Variants in CLN6 observed in about 807,000 individuals in gnomAD.
CLN6 encodes ceroid-lipofuscinosis neuronal protein 6.
Under a neutral mutation model 33.3 loss-of-function variants are expected in CLN6, and 22 were observed. The observed-to-expected ratio is 0.66, with a 90% CI of 0.47 to 0.94. The LOEUF (loss-of-function observed/expected upper bound fraction) is 0.94. Ranked by LOEUF, CLN6 falls within the 40% of genes least tolerant of loss-of-function variation. The pLI is 0.00. For synonymous variants in CLN6, 201 were observed against 174.6 expected (o/e 1.15, Z -1.19); for missense variants, 387 against 417.1 (o/e 0.93, Z 0.63).
rs982668540 is a variant in CLN6 at position 68,256,262 on chromosome 15, A to G, written c.179+428T>C. On this transcript the variant is annotated intron_variant, in intron 1 of 6. Transcript: ENST00000538696. This position sits in a 1 kb window ranked among gnomAD's most constrained non-coding sequence, Gnocchi z 4.1. ...GCTAAGATTACAGCCACGCGCCACC[A>G]TGCCCAGCTAATTTTTTTGTATTTT... Among the ~76,000 whole-genome samples, 5 of 151,926 alleles carry G rather than the reference A, an allele frequency of 3.3e-5. No individual in the cohort carries two copies. The highest frequency in any genetic ancestry group is 1.2e-4 in the African/African-American group (5 of 41,342).
intron 2 of CLN6, 175 bp from the exon 3 acceptor site, chr15:68,214,563 G>T (rs1030748491): frequency 1.6e-6 from 1 of 611,498 alleles, no homozygotes; most frequent in Non-Finnish European, 3.0e-6. Context: ...TGGGACAAAG[G>T]TTTATCCAGA....
In CLN6 at chr15:68,211,868, G is replaced by A; in HGVS notation, c.298-5C>T. 1 of 1,613,120 alleles carries A rather than the reference G, an allele frequency of 6.2e-7. No homozygotes were observed. The highest frequency in any genetic ancestry group is 8.5e-7 in the Non-Finnish European group (1 of 1,179,892). The stretch of plus-strand genomic sequence containing the variant: ...GCGGGGGGACCGCTCGATGAGCTGG[G>A]GTTCAGAGTGGGGTTGGCAGCATGA... On this transcript the variant is annotated splice_polypyrimidine_tract_variant and splice_region_variant and intron_variant, in intron 3 of 6. Transcript: ENST00000249806. The surrounding 1 kb of genome is among the most constrained non-coding windows in gnomAD (Gnocchi z 5.9).
intron 3 of CLN6, chr15:68,212,145 G>C (rs2093207922): frequency 2.1e-6 from 1 of 471,190 alleles, no homozygotes; most frequent in Admixed American, 3.5e-5. Flanking sequence ...ATGAGCTGTA[G>C]GCTGGAGGGG....
At chr15:68,234,106 C>T (rs1238402958), upstream of CLN6, among the ~76,000 whole-genome samples, 1 of 152,180 alleles carries the variant, frequency 6.6e-6, no homozygotes, top group Non-Finnish European at 1.5e-5. The surrounding 1 kb of genome is among the most constrained non-coding windows in gnomAD (Gnocchi z 4.1). Flanking sequence ...TGCAGTTGGG[C>T]CTCAGGAACT....
chr15:68,248,170 A>G lies in CLN6; in HGVS notation c.179+8520T>C, dbSNP rs74880812. Reference sequence around the variant, plus strand: ...TAATGGAACAGAACAGAGAATCCAGATATAAATAAATGCATTTGCAGCCAA... The same window carrying G: ...TAATGGAACAGAACAGAGAATCCAGGTATAAATAAATGCATTTGCAGCCAA... On this transcript the variant is annotated intron_variant, in intron 1 of 6. Coordinates refer to the CLN6 transcript ENST00000538696. Among the ~76,000 whole-genome samples, 396 of 152,366 alleles carry G rather than the reference A, an allele frequency of 2.6e-3. 1 individual carries two copies. The highest frequency in any genetic ancestry group is 4.2e-3 in the Non-Finnish European group (284 of 68,036).
chr15:68,220,273 C>T lies in CLN6; in HGVS notation c.84-1623G>A, dbSNP rs1006387643. Among the ~76,000 whole-genome samples the T allele has an allele frequency of 5.3e-5, 8 of 152,342 alleles. No homozygotes were observed. Among genetic ancestry groups the T allele is most frequent in the Non-Finnish European group, 7.3e-5 (5 of 68,034 alleles). On this transcript the variant is annotated intron_variant, in intron 1 of 6. Transcript: ENST00000249806. The surrounding 1 kb of genome is among the most constrained non-coding windows in gnomAD (Gnocchi z 4.2). The stretch of plus-strand genomic sequence containing the variant: ...ATGTGCAATGCTAGGTCTTTACCTG[C>T]ACTATCTCATCTAATCCACGCATCT...
At position 68,211,399 on chromosome 15, in the gene CLN6, T is replaced by G. The variant is rs1384857779; in HGVS notation, c.487-81A>C. 4 of 1,553,742 alleles carry G rather than the reference T, an allele frequency of 2.6e-6. No individual in the cohort carries two copies. The highest frequency in any genetic ancestry group is 1.4e-5 in the African/African-American group (1 of 73,638). ...GTGCTGGGGCCCCAAGCATCCCCTC[T>G]GACCACCCTTCTCCCAGTCCCAGGC... On this transcript the variant is annotated intron_variant, in intron 4 of 6. Transcript: ENST00000249806. The surrounding 1 kb of genome is among the most constrained non-coding windows in gnomAD (Gnocchi z 5.9).
rs1326246633 is a variant in CLN6, at chr15:68,209,924, C to T, written c.543-165G>A. 6.6e-6 allele frequency among the ~76,000 whole-genome samples: 1 copy of T among 152,082 alleles called. No individual in the cohort carries two copies. The highest frequency in any genetic ancestry group is 2.4e-5 in the African/African-American group (1 of 41,392). ...TCCACCCAACCTTGCCTGTGCTGGG[C>T]GTCAAAGGTGGGACAGAAACAGAAA... On this transcript the variant is annotated intron_variant, in intron 5 of 6. Transcript: ENST00000249806. The surrounding 1 kb of genome is among the most constrained non-coding windows in gnomAD (Gnocchi z 4.9).
chr15:68,243,073 T>G (rs1892292992), intron 1 of CLN6, among the ~76,000 whole-genome samples: 2 of 152,204 alleles, frequency 1.3e-5, no homozygotes, highest in African/African-American at 4.8e-5. Flanking sequence ...CTGTAAGAAG[T>G]CACAGAAATA....
At chr15:68,253,621 ACAAT>A (rs1892402239) in intron 1 of CLN6, among the ~76,000 whole-genome samples, 1 of 152,376 alleles carries the variant, frequency 6.6e-6, no homozygotes, top group South Asian at 2.1e-4. Flanking sequence ...AAATTTAGTA[ACAAT>A]CAATGTTAAA....
chr15:68,232,436 C>T (rs1431252081), upstream of CLN6, among the ~76,000 whole-genome samples: 1 of 152,248 alleles, frequency 6.6e-6, no homozygotes, highest in Non-Finnish European at 1.5e-5. This position sits in a 1 kb window ranked among gnomAD's most constrained non-coding sequence, Gnocchi z 4.7. Flanking sequence ...GGATTGCAGG[C>T]GTGAGCCACT....
rs2093259137 is a variant in CLN6, at chr15:68,228,729, GCT to G, written c.83+771_83+772del. 6.6e-6 allele frequency among the ~76,000 whole-genome samples: 1 copy of G among 151,966 alleles called. No individual in the cohort carries two copies. Among genetic ancestry groups the G allele is most frequent in the Non-Finnish European group, 1.5e-5 (1 of 67,996 alleles). On this transcript the variant is annotated intron_variant, in intron 1 of 6. Coordinates refer to ENST00000249806, the MANE Select transcript of CLN6 (RefSeq NM_017882.3). This position sits in a 1 kb window ranked among gnomAD's most constrained non-coding sequence, Gnocchi z 4.4. ...AAGATGACCGCTCACTCCCACTTGG[GCT>G]CTGTCTCTCCTGATCCCTACAGGAC...
chr15:68,255,152 C>T (rs767759072), intron 1 of CLN6, among the ~76,000 whole-genome samples: 4 of 152,130 alleles, frequency 2.6e-5, no homozygotes, highest in Non-Finnish European at 5.9e-5. Flanking sequence ...GCCCTTGGCT[C>T]CCAGGAAGGG....
chr15:68,208,094 G>GGGCCCCCCCC lies in CLN6; in HGVS notation c.*45_*46insGGGGGGGGCC. On this transcript the variant is annotated 3_prime_UTR_variant, in exon 7 of 7. Transcript: ENST00000249806. This position sits in a 1 kb window ranked among gnomAD's most constrained non-coding sequence, Gnocchi z 5.8. The stretch of plus-strand genomic sequence containing the variant: ...CTCCTGTATTCAGATGCCCTCCATG[G>GGGCCCCCCCC]CCCACCCTCCCACCCAGCAGAGCGC... 26 of 1,375,268 alleles carry GGGCCCCCCCC rather than the reference G, an allele frequency of 1.9e-5. No homozygotes were observed. Among genetic ancestry groups the GGGCCCCCCCC allele is most frequent in the Non-Finnish European group, 2.3e-5 (23 of 992,014 alleles). The allele number at this position is 1,375,268 out of a possible 1,614,324, so 85.2% of individuals were successfully genotyped here.
At chr15:68,252,564 T>C (rs971765677) in intron 1 of CLN6, among the ~76,000 whole-genome samples, 1 of 152,240 alleles carries the variant, frequency 6.6e-6, no homozygotes, top group Admixed American at 6.5e-5. Context: ...AAAAACACTT[T>C]GGCAATATTT....
chr15:68,211,822 C>T lies in CLN6; in HGVS notation c.339G>A (p.Thr113=), dbSNP rs146135801. 2.5e-4 allele frequency: 406 copies of T among 1,613,884 alleles called. No homozygotes were observed. The African/African-American group carries it at 4.4e-3, about 18-fold the overall frequency. The change falls in exon 4 of 7, where the codon ACG becomes ACA. Residue 113 remains threonine, a synonymous_variant. Coordinates refer to ENST00000249806, the MANE Select transcript of CLN6 (RefSeq NM_017882.3). This position sits in a 1 kb window ranked among gnomAD's most constrained non-coding sequence, Gnocchi z 5.9. ...RSPRTLPRSI[T]YVSIIIFIMG... ...TGATGAAGATGATGATGCTCACGTA[C>T]GTGATGGAGCGTGGCAGGGTGCGGG... is the stretch of plus-strand genomic sequence containing the variant.
chr15:68,218,774 C>G (rs1040787778), intron 1 of CLN6, 124 bp from the exon 2 acceptor site: 9 of 710,380 alleles, frequency 1.3e-5, no homozygotes, highest in African/African-American at 1.2e-4. Context: ...TAATTGAGTT[C>G]TATGGATAGG....
At position 68,227,558 on chromosome 15, in the gene CLN6, A is replaced by G. The variant is rs1338670528; in HGVS notation, c.83+1944T>C. ...GGGGGGCAGAGACACCCTGGGAGACAGAGAGCTCCCACCCTCACACCACCC... is the reference window on the plus strand; with the variant it reads ...GGGGGGCAGAGACACCCTGGGAGACGGAGAGCTCCCACCCTCACACCACCC... On this transcript the variant is annotated intron_variant, in intron 1 of 6. Transcript: ENST00000249806. The surrounding 1 kb of genome is among the most constrained non-coding windows in gnomAD (Gnocchi z 4.1). 6.6e-6 allele frequency among the ~76,000 whole-genome samples: 1 copy of G among 152,168 alleles called. No individual in the cohort carries two copies. Among genetic ancestry groups the G allele is most frequent in the East Asian group, 1.9e-4 (1 of 5,188 alleles).
chr15:68,229,496 G>C lies in CLN6; in HGVS notation c.83+6C>G. The C allele has an allele frequency of 1.4e-6, 2 of 1,462,710 alleles. No individual in the cohort carries two copies. The highest frequency in any genetic ancestry group is 1.3e-5 in the South Asian group (1 of 77,520). 90.6% of individuals were successfully genotyped at this position (1,462,710 alleles called of 1,614,324 possible). On this transcript the variant is annotated splice_donor_region_variant and intron_variant, in intron 1 of 6. Transcript: ENST00000249806. Reference sequence around the variant, plus strand: ...AGCCCGCCCTCTCACCCCGGCGCGCGCCCACCTGGCCTGCAGGAAGGAGGC... The same window carrying C: ...AGCCCGCCCTCTCACCCCGGCGCGCCCCCACCTGGCCTGCAGGAAGGAGGC...
Sources: allele counts gnomAD v4.1 joint callset (sites outside exome capture counted in the v4.1 genomes callset), GRCh38; gene constraint gnomAD v4.1.1; non-coding constraint Gnocchi (gnomAD v3.1); transcripts MANE v1.5; gene names NCBI Gene and HGNC (gene_info 2026-07-23, HGNC 2026-07-21).